SPOCK1: variants seen among roughly 807,000 people sequenced by gnomAD.
SPOCK1 encodes SPARC (osteonectin), cwcv and kazal like domains proteoglycan 1, also known as testican-1.
SPOCK1 carries 23 observed loss-of-function variants against 55.3 expected under a neutral mutation model. The observed-to-expected ratio is 0.42, with a 90% confidence interval of 0.30 to 0.59. The LOEUF (loss-of-function observed/expected upper bound fraction) is 0.59, where lower values mean the gene tolerates loss of function less well. SPOCK1 is among the 20% of genes least tolerant of loss of function. The pLI is 0.22. For missense variants in SPOCK1, 499 were observed against 552.5 expected, an observed-to-expected ratio of 0.90 and a Z score of 0.97; for synonymous variants, 226 against 221.0, an observed-to-expected ratio of 1.02 and a Z score of -0.20.
intron 3 of SPOCK1, among the ~76,000 whole-genome samples, chr5:137,204,782 C>T (rs1024189114): frequency 2.6e-5 from 4 of 152,272 alleles, no homozygotes; most frequent in Non-Finnish European, 2.9e-5. Context: ...GGTCCATATC[C>T]GAATTGACCT....
intron 2 of SPOCK1, among the ~76,000 whole-genome samples, chr5:137,353,335 C>A (rs1580881345): frequency 6.6e-6 from 1 of 152,158 alleles, no homozygotes; most frequent in African/African-American, 2.4e-5. Flanking sequence ...GAGCAGAGAT[C>A]ACATAACTGC....
At chr5:137,066,747 T>C (rs1752511271) in intron 6 of SPOCK1, among the ~76,000 whole-genome samples, 1 of 152,110 alleles carries the variant, frequency 6.6e-6, no homozygotes, top group African/African-American at 2.4e-5. Context: ...TGTTTCATGG[T>C]TTACAACGTC....
chr5:137,105,537 C>T (rs1023109314), intron 5 of SPOCK1, among the ~76,000 whole-genome samples: 2 of 152,142 alleles, frequency 1.3e-5, no homozygotes, highest in East Asian at 1.9e-4. Flanking sequence ...TGATTTGCTC[C>T]GACCCTGAGA....
intron 2 of SPOCK1, among the ~76,000 whole-genome samples, chr5:137,332,493 G>C (rs1758204971): frequency 1.3e-5 from 2 of 152,098 alleles, no homozygotes; most frequent in Non-Finnish European, 2.9e-5. Flanking sequence ...CCTAATGCTT[G>C]AAAGAAACTG....
intron 3 of SPOCK1, among the ~76,000 whole-genome samples, chr5:137,155,833 C>T (rs1754405830): frequency 6.6e-6 from 1 of 152,202 alleles, no homozygotes; most frequent in South Asian, 2.1e-4. Flanking sequence ...TCAACAAGGG[C>T]AAGAGGCCCT....
intron 5 of SPOCK1, among the ~76,000 whole-genome samples, chr5:137,108,718 G>T (rs952305757): frequency 3.3e-5 from 5 of 152,202 alleles, no homozygotes; most frequent in African/African-American, 1.2e-4. Context: ...TCAGGCTGGT[G>T]CAGGAATTCA....
chr5:137,397,175 C>T (rs1467498310), intron 2 of SPOCK1, among the ~76,000 whole-genome samples: 2 of 152,188 alleles, frequency 1.3e-5, no homozygotes, highest in Non-Finnish European at 2.9e-5. Flanking sequence ...TACCAAAGAA[C>T]TCATCCAGAA....
chr5:137,452,489 A>C (rs1561539648), intron 2 of SPOCK1, among the ~76,000 whole-genome samples: 1 of 152,324 alleles, frequency 6.6e-6, no homozygotes, highest in East Asian at 1.9e-4. Flanking sequence ...AAAGAAAAAA[A>C]GTGAATCTGA....
intron 6 of SPOCK1, among the ~76,000 whole-genome samples, chr5:137,051,043 C>G (rs1752196397): frequency 6.6e-6 from 1 of 152,058 alleles, no homozygotes; most frequent in African/African-American, 2.4e-5. Flanking sequence ...TTAAAGTTTT[C>G]AAAATGATTT....
rs544933594 is a variant in SPOCK1, at chr5:137,498,266, C to CCACACACACACACA, written c.186+93_186+106dup. 105 of 796,446 alleles carry CCACACACACACACA rather than the reference C, an allele frequency of 1.3e-4. No homozygotes were observed. In the African/African-American group the frequency reaches 1.7e-3, roughly 13 times the overall value. The allele number at this position is 796,446 out of a possible 1,614,324, so 49.3% of individuals were successfully genotyped here. On this transcript the variant is annotated intron_variant, in intron 2 of 10. Transcript: ENST00000394945. ...AGATGCCCACCTGTCCCCCTCCCAA[C>CCACACACACACACA]CACACACACACACACACACACACAC...
rs572235910 is a variant in SPOCK1 at position 137,436,412 on chromosome 5, TA to T, written c.186+61960del. On this transcript the variant is annotated intron_variant, in intron 2 of 10. Coordinates refer to ENST00000394945, the MANE Select transcript of SPOCK1 (RefSeq NM_004598.4). ...TTCATCCTTTCCCTCCATCATGTAC[TA>T]AACCCTCTTTCACATTAGGCTCTGT... 3.6e-3 allele frequency among the ~76,000 whole-genome samples: 544 copies of T among 152,324 alleles called. 5 individuals are homozygous for T. The highest frequency in any genetic ancestry group is 0.012 in the African/African-American group (511 of 41,566).
At chr5:137,071,057 C>T (rs897218330) in intron 5 of SPOCK1, among the ~76,000 whole-genome samples, 2 of 146,066 alleles carry the variant, frequency 1.4e-5, no homozygotes, top group Admixed American at 1.4e-4. Context: ...GGGTCTCACT[C>T]TGTCACCCTG....
rs1472964083 is a variant in SPOCK1 at position 136,978,666 on chromosome 5, C to A, written c.1308G>T (p.Gly436=). Residue 436 remains glycine (G), a synonymous_variant, in exon 11 of 11, where the codon GGG becomes GGT. Transcript: ENST00000394945. The part of the protein sequence containing the change: ...DEDDDKEDEV[G]YIW ...TTTCTTGTGGGCACTACCATATGTA[C>A]CCGACCTCATCCTCTTTGTCATCAT... 2.5e-6 allele frequency: 4 copies of A among 1,608,800 alleles called. No homozygotes were observed. In the South Asian group the frequency reaches 4.4e-5, roughly 18 times the overall value.
chr5:137,222,214 T>A (rs551531371), intron 3 of SPOCK1, among the ~76,000 whole-genome samples: 18 of 152,260 alleles, frequency 1.2e-4, no homozygotes, highest in African/African-American at 4.3e-4. Flanking sequence ...CAGAGTACAC[T>A]AAGAAGATCT....
At chr5:137,334,235 A>G (rs1003295026) in intron 2 of SPOCK1, among the ~76,000 whole-genome samples, 4 of 152,238 alleles carry the variant, frequency 2.6e-5, no homozygotes. Context: ...ATGAGGGTCC[A>G]AACAAGTTTC....
At chr5:137,113,653 A>T (rs192666237) in intron 4 of SPOCK1, among the ~76,000 whole-genome samples, 1 of 152,328 alleles carries the variant, frequency 6.6e-6, no homozygotes. Flanking sequence ...AAATGAGCGG[A>T]TGTATCTGAA....
intron 3 of SPOCK1, among the ~76,000 whole-genome samples, chr5:137,144,363 T>G (rs1261643677): frequency 6.6e-6 from 1 of 152,130 alleles, no homozygotes; most frequent in Non-Finnish European, 1.5e-5. Flanking sequence ...TACTAATAAA[T>G]AAAAACTGTT....
intron 5 of SPOCK1, among the ~76,000 whole-genome samples, chr5:137,096,593 G>C (rs1219739617): frequency 6.6e-6 from 1 of 152,200 alleles, no homozygotes; most frequent in Non-Finnish European, 1.5e-5. Flanking sequence ...CAGGAAAAGA[G>C]GCTGCTTGTG....
chr5:137,314,991 TGTATGCACCAAAGTCAGCTTCA>T, intron 2 of SPOCK1, among the ~76,000 whole-genome samples: 1 of 152,182 alleles, frequency 6.6e-6, no homozygotes, highest in Non-Finnish European at 1.5e-5. Context: ...AAAGAGTGGC[TGTATGCACCAAAGTCAGCTTCA>T]GTATGCACCA....
Sources: allele counts gnomAD v4.1 joint callset (sites outside exome capture counted in the v4.1 genomes callset), GRCh38; gene constraint gnomAD v4.1.1; transcripts MANE v1.5; gene names NCBI Gene and HGNC (gene_info 2026-07-23, HGNC 2026-07-21).